Variants in SHROOM3 observed in about 807,000 individuals in gnomAD.
The protein encoded by SHROOM3 is shroom family member 3, also known as protein Shroom3.
In SHROOM3, 47 loss-of-function variants were observed where a neutral mutation model predicts 138.6. The ratio of observed to expected loss-of-function variants is 0.34; its 90% CI spans 0.27 to 0.43. SHROOM3 has a LOEUF of 0.43. Among genes scored for constraint, SHROOM3 ranks in the 20% least tolerant of loss-of-function variants. SHROOM3 has a pLI of 1.00. For missense variants in SHROOM3, 2,491 were observed against 2,596.5 expected (o/e 0.96, Z 0.88); for synonymous variants, 1,062 against 1,063.3 (o/e 1.00, Z 0.02).
Position 76,507,011 on chromosome 4 carries a change from G to A in SHROOM3, c.169-48598G>A, listed in dbSNP as rs140796002. ...GCATAAAAGGTGAATACTAAAAAAC[G>A]GAACCTTGTTTCACATTATTAATGT... On this transcript the variant is annotated intron_variant, in intron 1 of 10. Transcript: ENST00000296043. Among the ~76,000 whole-genome samples the A allele has an allele frequency of 1.5e-3, 235 of 152,136 alleles. 2 individuals carry two copies. The highest frequency in any genetic ancestry group is 5.2e-3 in the African/African-American group (216 of 41,508).
At position 76,754,979 on chromosome 4, in the gene SHROOM3, C is replaced by T. The variant is rs759156027; in HGVS notation, c.4496C>T (p.Pro1499Leu). The change falls in exon 7 of 11, where the codon CCA (proline) becomes CTA (leucine). Residue 1499 changes from proline to leucine, a missense_variant. Pro to Leu is a moderately conservative substitution (Grantham distance 98, BLOSUM62 -3). Coordinates refer to ENST00000296043, the MANE Select transcript of SHROOM3 (RefSeq NM_020859.4). ...GAGTCTGTCCTGCGGGACTCCCCGC[C>T]ACCTCATGAGGATTATGAAGACGAA... Reference protein sequence around the residue: ...ISESVLRDSPPPHEDYEDEVF... With the variant: ...ISESVLRDSPLPHEDYEDEVF... 2 of 1,614,084 alleles carry T rather than the reference C, an allele frequency of 1.2e-6. No homozygotes were observed. The highest frequency in any genetic ancestry group is 1.7e-6 in the Non-Finnish European group (2 of 1,179,940).
intron 9 of SHROOM3, among the ~76,000 whole-genome samples, chr4:76,765,588 T>G (rs1722128131): frequency 6.6e-6 from 1 of 152,116 alleles, no homozygotes; most frequent in African/African-American, 2.4e-5. Context: ...CCTGAATTAC[T>G]CTTAAGACGG....
At chr4:76,665,236 C>G (rs1718659672) in intron 2 of SHROOM3, among the ~76,000 whole-genome samples, 1 of 152,204 alleles carries the variant, frequency 6.6e-6, no homozygotes, top group Non-Finnish European at 1.5e-5. Context: ...GGAACCACCT[C>G]CACTTGGCTG....
intron 2 of SHROOM3, among the ~76,000 whole-genome samples, chr4:76,612,233 C>A (rs916306528): frequency 2.6e-5 from 4 of 152,158 alleles, no homozygotes; most frequent in Admixed American, 6.5e-5. Context: ...TGCATGTATC[C>A]TGCTTCTCTC....
At chr4:76,764,948 G>A (rs1578030393) in intron 9 of SHROOM3, among the ~76,000 whole-genome samples, 1 of 151,964 alleles carries the variant, frequency 6.6e-6, no homozygotes, top group African/African-American at 2.4e-5. Context: ...CTCCCTCCAG[G>A]ACTTTAGTGA....
At chr4:76,513,141 A>G (rs926394368) in intron 1 of SHROOM3, among the ~76,000 whole-genome samples, 11 of 152,122 alleles carry the variant, frequency 7.2e-5, no homozygotes, top group African/African-American at 2.7e-4. Context: ...TTGACTTCAA[A>G]GGTCCCTTGG....
rs1722762378 is a variant in SHROOM3, at chr4:76,782,633, G to A, written c.*3456G>A. The A allele has an allele frequency of 6.6e-6, 1 of 152,140 alleles. No homozygotes were observed. The highest frequency in any genetic ancestry group is 6.5e-5 in the Admixed American group (1 of 15,270). The allele number at this position is 152,140 out of a possible 1,614,324, so 9.4% of individuals were successfully genotyped here. On this transcript the variant is annotated 3_prime_UTR_variant, in exon 11 of 11. Coordinates refer to ENST00000296043, the MANE Select transcript of SHROOM3 (RefSeq NM_020859.4). ...CTCTTCAGTTTAATTGTCCATGGTA[G>A]TGCTGGCTTCATTGTTAGGTTGGAG...
intron 2 of SHROOM3, among the ~76,000 whole-genome samples, chr4:76,676,944 CAAAAAAA>C (rs58270392): frequency 0.3 from 23,505 of 78,912 alleles, 1,018 homozygotes; most frequent in East Asian, 0.43. Flanking sequence ...CTCCGTCTCA[CAAAAAAA>C]AAAAAAAAAA....
intron 2 of SHROOM3, among the ~76,000 whole-genome samples, chr4:76,567,080 T>C (rs1214128186): frequency 6.6e-6 from 1 of 152,216 alleles, no homozygotes; most frequent in Non-Finnish European, 1.5e-5. Context: ...CCCCTCTTAT[T>C]CTGCTGTCAA....
At chr4:76,773,187 C>T (rs572496797) in intron 10 of SHROOM3, among the ~76,000 whole-genome samples, 23 of 151,970 alleles carry the variant, frequency 1.5e-4, no homozygotes, top group East Asian at 1.4e-3. Context: ...CCAGCCTGGC[C>T]AACATGGCAA....
rs1374206656 is a variant in SHROOM3, at chr4:76,779,487, A to G, written c.*310A>G. On this transcript the variant is annotated 3_prime_UTR_variant, in exon 11 of 11. Transcript: ENST00000296043. ...TTAGTTTTTAACAGGCTGAGGCAAC[A>G]TGGATCAGTGTGTGTCCCCCTCAGG... 1 of 313,268 alleles carries G rather than the reference A, an allele frequency of 3.2e-6. No homozygotes were observed. Among genetic ancestry groups the G allele is most frequent in the Non-Finnish European group, 6.0e-6 (1 of 167,018 alleles). The allele number at this position is 313,268 out of a possible 1,614,324, so 19.4% of individuals were successfully genotyped here. A position where few individuals can be genotyped will look rare whatever the true frequency, so the allele number is the denominator to read the frequency against.
intron 2 of SHROOM3, among the ~76,000 whole-genome samples, chr4:76,573,069 A>G (rs1274073142): frequency 6.6e-6 from 1 of 151,816 alleles, no homozygotes; most frequent in African/African-American, 2.4e-5. Flanking sequence ...TGACAGAGCT[A>G]GACACTGTCT....
chr4:76,776,095 A>C (rs1722556515), intron 10 of SHROOM3, among the ~76,000 whole-genome samples: 1 of 152,124 alleles, frequency 6.6e-6, no homozygotes. Flanking sequence ...CCCCACCAGC[A>C]ATGTAAAAGT....
At chr4:76,754,093 C>A (rs1475617728) in intron 6 of SHROOM3, among the ~76,000 whole-genome samples, 1 of 152,162 alleles carries the variant, frequency 6.6e-6, no homozygotes, top group African/African-American at 2.4e-5. Context: ...CCCAGTCATT[C>A]CATGTGACAT....
chr4:76,465,463 A>G (rs935927119), intron 1 of SHROOM3, among the ~76,000 whole-genome samples: 19 of 152,184 alleles, frequency 1.2e-4, no homozygotes, highest in Admixed American at 1.3e-4. Context: ...ACAGTAGGCA[A>G]TCTTTGCTCC....
chr4:76,712,470 T>G (rs1720256041), intron 3 of SHROOM3, among the ~76,000 whole-genome samples: 1 of 152,114 alleles, frequency 6.6e-6, no homozygotes, highest in African/African-American at 2.4e-5. Flanking sequence ...TATAAAACAA[T>G]CCCTGAAAGT....
At chr4:76,497,755 A>G (rs1257131152) in intron 1 of SHROOM3, among the ~76,000 whole-genome samples, 1 of 152,114 alleles carries the variant, frequency 6.6e-6, no homozygotes, top group Non-Finnish European at 1.5e-5. Flanking sequence ...CTACTTGGGA[A>G]GCTGAGGCAG....
At chr4:76,471,242 C>A (rs1228562886) in intron 1 of SHROOM3, among the ~76,000 whole-genome samples, 1 of 149,180 alleles carries the variant, frequency 6.7e-6, no homozygotes, top group Non-Finnish European at 1.5e-5. Context: ...TTCTTCCTTT[C>A]TTTCTTTTTT....
At chr4:76,524,323 G>A (rs1732635036) in intron 1 of SHROOM3, among the ~76,000 whole-genome samples, 2 of 152,208 alleles carry the variant, frequency 1.3e-5, no homozygotes, top group Admixed American at 6.5e-5. Context: ...CAGGGGACTG[G>A]AGAGAGGGGA....
Sources: gnomAD v4.1 joint callset for allele counts (sites outside exome capture counted in the v4.1 genomes callset) on GRCh38, gnomAD v4.1.1 for gene constraint, MANE v1.5 for transcripts, NCBI Gene and HGNC (gene_info 2026-07-23, HGNC 2026-07-21) for gene names.